MIA2: variants seen among roughly 807,000 people sequenced by gnomAD.
MIA2 encodes the protein MIA SH3 domain ER export factor 2.
Under a neutral mutation model 167.8 loss-of-function variants are expected in MIA2, and 127 were observed. The observed-to-expected ratio is 0.76, with a 90% confidence interval of 0.66 to 0.88. The LOEUF (loss-of-function observed/expected upper bound fraction) is 0.88. Ranked by LOEUF, MIA2 falls within the 40% of genes least tolerant of loss-of-function variation. The pLI is 0.00. For missense variants in MIA2, 1,690 were observed against 1,624.7 expected (o/e 1.04, Z -0.69); for synonymous variants, 552 against 541.9 (o/e 1.02, Z -0.26).
chr14:39,314,058 C>G (rs2064866541), intron 19 of MIA2, among the ~76,000 whole-genome samples: 1 of 152,114 alleles, frequency 6.6e-6, no homozygotes, highest in Non-Finnish European at 1.5e-5. Flanking sequence ...TTTTACTTCA[C>G]AGTGGTTGCT....
intron 23 of MIA2, among the ~76,000 whole-genome samples, chr14:39,375,960 T>A (rs913093051): frequency 2.0e-5 from 3 of 152,172 alleles, no homozygotes; most frequent in Non-Finnish European, 1.5e-5. Flanking sequence ...TTGATTTTTT[T>A]ATTTTTATTT....
chr14:39,338,924 A>G (rs1324553200), intron 25 of MIA2, among the ~76,000 whole-genome samples: 1 of 152,176 alleles, frequency 6.6e-6, no homozygotes, highest in Non-Finnish European at 1.5e-5. Context: ...GAGGTATCAT[A>G]ATTTATTAAG....
Position 39,248,072 on chromosome 14 carries a change from T to A in MIA2, c.1498T>A (p.Phe500Ile). The A allele has an allele frequency of 6.4e-7, 1 of 1,566,532 alleles. No homozygotes were observed. The highest frequency in any genetic ancestry group is 8.6e-7 in the Non-Finnish European group (1 of 1,164,326). ...AATTGAAAATGAAGAAACTGGAGAA[T>A]TTTCCATTGATAATTATCCCACAGA... is the stretch of plus-strand genomic sequence containing the variant. Reference protein sequence around the residue: ...NVIENEETGEFSIDNYPTDNT... With the variant: ...NVIENEETGEISIDNYPTDNT... The change falls in exon 4 of 29, where the codon TTT (phenylalanine) becomes ATT (isoleucine). Residue 500 changes from phenylalanine to isoleucine, a missense_variant. Transcript: ENST00000640607.
chr14:39,236,873 A>C, intron 1 of MIA2, 49 bp from the exon 2 acceptor site: 1 of 1,519,564 alleles, frequency 6.6e-7, no homozygotes, highest in South Asian at 1.2e-5. Flanking sequence ...AGGAGGAGAA[A>C]TATCATTTTA....
intron 25 of MIA2, among the ~76,000 whole-genome samples, chr14:39,341,704 A>G (rs905657858): frequency 1.3e-5 from 2 of 152,186 alleles, no homozygotes; most frequent in Non-Finnish European, 2.9e-5. Context: ...GGAGAGTGGA[A>G]GAACTCAAAC....
intron 4 of MIA2, 107 bp downstream of exon 4, chr14:39,248,248 T>A (rs1299153757): frequency 1.2e-6 from 1 of 837,500 alleles, no homozygotes; most frequent in Admixed American, 4.0e-5. Context: ...TTTTTCAGAA[T>A]ACTTAGCTCT....
At chr14:39,342,721 A>G (rs1243255188) in intron 25 of MIA2, among the ~76,000 whole-genome samples, 1 of 152,202 alleles carries the variant, frequency 6.6e-6, no homozygotes, top group Non-Finnish European at 1.5e-5. Context: ...ATAAGACATA[A>G]AAAGAAAAAG....
intron 9 of MIA2, among the ~76,000 whole-genome samples, chr14:39,280,550 G>T (rs1368687422): frequency 6.6e-6 from 1 of 152,020 alleles, no homozygotes; most frequent in Admixed American, 6.6e-5. Context: ...GGCTAACATG[G>T]TGAAACCCCG....
chr14:39,261,580 G>A (rs1182241939), intron 6 of MIA2, among the ~76,000 whole-genome samples: 1 of 152,134 alleles, frequency 6.6e-6, no homozygotes, highest in Non-Finnish European at 1.5e-5. Flanking sequence ...CTTCCACAAT[G>A]GTTGTACTAG....
intron 3 of MIA2, among the ~76,000 whole-genome samples, chr14:39,243,066 T>G (rs2054124484): frequency 1.4e-5 from 2 of 147,466 alleles, no homozygotes; most frequent in Non-Finnish European, 3.0e-5. Context: ...GAGGTTACAG[T>G]GAGCCAAGAT....
chr14:39,236,914 T>A lies in MIA2; in HGVS notation c.116-8T>A. The A allele has an allele frequency of 6.3e-7, 1 of 1,596,622 alleles. No individual in the cohort carries two copies. The highest frequency in any genetic ancestry group is 1.1e-5 in the South Asian group (1 of 87,050). ...AAGTGTGTATTTTTCTTTACATGTT[T>A]TACATAGCTTTAATAAACAGAGTCT... On this transcript the variant is annotated splice_region_variant and splice_polypyrimidine_tract_variant and intron_variant, in intron 1 of 28. Coordinates refer to ENST00000640607, the MANE Select transcript of MIA2 (RefSeq NM_001329214.4).
At chr14:39,262,840 G>C (rs1273851733) in intron 6 of MIA2, among the ~76,000 whole-genome samples, 1 of 152,100 alleles carries the variant, frequency 6.6e-6, no homozygotes. Flanking sequence ...GTATAAGAAT[G>C]CTTGTGATTT....
At chr14:39,320,803 A>G in intron 23 of MIA2, 125 bp from the exon 24 acceptor site, 2 of 965,792 alleles carry the variant, frequency 2.1e-6, no homozygotes, top group South Asian at 3.3e-5. Context: ...GGATACATTC[A>G]GGACATAGAT....
chr14:39,269,293 C>T (rs1382457061), intron 6 of MIA2, among the ~76,000 whole-genome samples: 1 of 151,812 alleles, frequency 6.6e-6, no homozygotes, highest in African/African-American at 2.4e-5. Flanking sequence ...CACAGTTCCT[C>T]AACATTTTTA....
At chr14:39,382,797 T>A (rs2075193219) in intron 23 of MIA2, among the ~76,000 whole-genome samples, 1 of 152,178 alleles carries the variant, frequency 6.6e-6, no homozygotes, top group South Asian at 2.1e-4. Flanking sequence ...TTTATTTTCC[T>A]TTCACACTCA....
At chr14:39,289,084 C>T (rs896255138) in intron 9 of MIA2, among the ~76,000 whole-genome samples, 3 of 152,046 alleles carry the variant, frequency 2.0e-5, no homozygotes, top group African/African-American at 4.8e-5. Flanking sequence ...AAAATTCAGC[C>T]GTGAAGCCAT....
chr14:39,242,452 A>G (rs1200900754), intron 3 of MIA2, among the ~76,000 whole-genome samples: 1 of 151,654 alleles, frequency 6.6e-6, no homozygotes, highest in East Asian at 1.9e-4. Context: ...CCTTCCAAGT[A>G]GCTGGGATTA....
rs563037561 is a variant in MIA2, at chr14:39,270,638, C to G, written c.1888-6296C>G. 3.3e-5 allele frequency among the ~76,000 whole-genome samples: 5 copies of G among 152,272 alleles called. No individual in the cohort carries two copies. The East Asian group carries it at 9.6e-4, about 29-fold the overall frequency. ...TAAATTCCTGGCCTCAAGGGATCCT[C>G]CTGCCTCAGCCTTCCAGAGTGCTGG... On this transcript the variant is annotated intron_variant, in intron 6 of 28. Transcript: ENST00000640607.
chr14:39,324,620 T>G (rs11157059), intron 24 of MIA2, among the ~76,000 whole-genome samples: 55 of 151,678 alleles, frequency 3.6e-4, no homozygotes, highest in African/African-American at 1.2e-3. Context: ...TTTTATTTTT[T>G]TTTTTTGAGA....
Sources: allele counts gnomAD v4.1 joint callset (sites outside exome capture counted in the v4.1 genomes callset), GRCh38; gene constraint gnomAD v4.1.1; transcripts MANE v1.5; gene names NCBI Gene and HGNC (gene_info 2026-07-23, HGNC 2026-07-21).